Variants in CELF2 observed in about 807,000 individuals in gnomAD.
CELF2 encodes the protein CUG triplet repeat RNA-binding protein 2.
A neutral mutation model predicts 62.6 loss-of-function variants in CELF2; 8 were observed. The observed-to-expected ratio is 0.13, with a 90% CI of 0.07 to 0.23. CELF2 has a LOEUF of 0.23. CELF2 is among the 10% of genes least tolerant of loss of function. CELF2 has a pLI of 1.00. For missense variants in CELF2, 333 were observed against 671.0 expected (o/e 0.50, Z 5.56); for synonymous variants, 258 against 250.0 (o/e 1.03, Z -0.30).
the CELF2 span, among the ~76,000 whole-genome samples, chr10:10,728,473 A>AAAAG: frequency 6.7e-6 from 1 of 148,440 alleles, no homozygotes; most frequent in African/African-American, 2.5e-5. Flanking sequence ...AAAAAAAAAA[A>AAAAG]AGAGAGAGAA....
chr10:10,985,798 G>A (rs2052677424), intron 2 of CELF2, among the ~76,000 whole-genome samples: 1 of 152,166 alleles, frequency 6.6e-6, no homozygotes, highest in African/African-American at 2.4e-5. Flanking sequence ...ATGAATGTGT[G>A]CTCACAAAGC....
chr10:10,823,592 A>T (rs1299906576), intron 1 of CELF2, among the ~76,000 whole-genome samples: 3 of 149,626 alleles, frequency 2.0e-5, no homozygotes, highest in Non-Finnish European at 4.5e-5. Context: ...ACAAAAAAAA[A>T]TAGAATGGCT....
intron 2 of CELF2, among the ~76,000 whole-genome samples, chr10:11,172,577 G>A (rs768874656): frequency 2.6e-5 from 4 of 152,154 alleles, no homozygotes; most frequent in Non-Finnish European, 4.4e-5. Flanking sequence ...GACTGTGCCC[G>A]TCGGTCACAG....
chr10:11,142,865 C>T (rs1052030689), intron 1 of CELF2, among the ~76,000 whole-genome samples: 1 of 152,126 alleles, frequency 6.6e-6, no homozygotes. Flanking sequence ...GGTCTGTCCT[C>T]CCTCCACTGG....
intron 2 of CELF2, among the ~76,000 whole-genome samples, chr10:11,183,466 AG>A (rs1258184125): frequency 6.6e-6 from 1 of 152,224 alleles, no homozygotes; most frequent in Non-Finnish European, 1.5e-5. Flanking sequence ...ACACCTTAAG[AG>A]TGGAATGGCT....
the CELF2 span, among the ~76,000 whole-genome samples, chr10:10,770,212 T>C: frequency 6.6e-6 from 1 of 152,094 alleles, no homozygotes; most frequent in African/African-American, 2.4e-5. Context: ...TAATTAGTTT[T>C]GGATATGTTA....
intron 2 of CELF2, among the ~76,000 whole-genome samples, chr10:11,183,608 G>A (rs1027076867): frequency 1.3e-5 from 2 of 152,216 alleles, no homozygotes; most frequent in African/African-American, 2.4e-5. Flanking sequence ...AACACTTGGT[G>A]TAATCACTAT....
intron 1 of CELF2, among the ~76,000 whole-genome samples, chr10:11,078,113 C>G (rs978596019): frequency 3.3e-5 from 5 of 152,068 alleles, no homozygotes; most frequent in Admixed American, 6.6e-5. Flanking sequence ...AATGCTTTCC[C>G]TTGGAGGACA....
At chr10:10,596,377 C>A in the CELF2 span, among the ~76,000 whole-genome samples, 1 of 152,190 alleles carries the variant, frequency 6.6e-6, no homozygotes, top group Non-Finnish European at 1.5e-5. Context: ...GGTTGCAGAG[C>A]CATCCACCCA....
At chr10:10,620,009 C>A in the CELF2 span, among the ~76,000 whole-genome samples, 2 of 151,590 alleles carry the variant, frequency 1.3e-5, no homozygotes, top group African/African-American at 4.8e-5. Context: ...CCAAGTATCA[C>A]GAAAAATAAG....
intron 1 of CELF2, among the ~76,000 whole-genome samples, chr10:10,837,180 C>T (rs1044542357): frequency 1.3e-5 from 2 of 152,138 alleles, no homozygotes; most frequent in African/African-American, 4.8e-5. Context: ...GGGAGGGACC[C>T]AGTGGGAGAT....
chr10:11,236,672 C>G (rs575547816), intron 3 of CELF2, among the ~76,000 whole-genome samples: 1 of 152,162 alleles, frequency 6.6e-6, no homozygotes, highest in Admixed American at 6.5e-5. Flanking sequence ...CCATATGAAA[C>G]GGTCACTATT....
At position 11,327,402 on chromosome 10, in the gene CELF2, C is replaced by T. The variant is rs560392035; in HGVS notation, c.1438+1423C>T. On this transcript the variant is annotated intron_variant, in intron 12 of 12. Coordinates refer to ENST00000633077, the MANE Select transcript of CELF2 (RefSeq NM_001326342.2). ...CCTACAGCCTCCTTAACCATGTGCT[C>T]ATACTGATGTAAACCATAGCTGTTA... is the stretch of plus-strand genomic sequence containing the variant. 2.0e-5 allele frequency among the ~76,000 whole-genome samples: 3 copies of T among 152,322 alleles called. No individual in the cohort carries two copies. The South Asian group carries it at 6.2e-4, about 32-fold the overall frequency.
chr10:10,797,824 TC>T (rs201282457), upstream of CELF2, among the ~76,000 whole-genome samples: 675 of 152,130 alleles, frequency 4.4e-3, 3 homozygotes, highest in South Asian at 0.013. Flanking sequence ...ATCAGTACAG[TC>T]CCGAAGAACC....
rs79630669 is a variant in CELF2 at position 11,303,093 on chromosome 10, T to A, written c.977-11046T>A. ...TCAGAGGTGGCCCAGCGGAAACTTC[T>A]TCCCTAGCCGGCTCTCCTCTGTATC... On this transcript the variant is annotated intron_variant, in intron 9 of 12. Transcript: ENST00000633077. 4.2e-3 allele frequency among the ~76,000 whole-genome samples: 642 copies of A among 152,210 alleles called. 12 individuals are homozygous for A. Among genetic ancestry groups the A allele is most frequent in the East Asian group, 0.036 (187 of 5,188 alleles).
intron 3 of CELF2, among the ~76,000 whole-genome samples, chr10:11,241,756 C>T (rs555387147): frequency 2.0e-5 from 3 of 152,236 alleles, no homozygotes; most frequent in African/African-American, 7.2e-5. Flanking sequence ...ATGAGGGAGA[C>T]AGGCAAACCT....
At chr10:10,974,674 A>G (rs530611283) in intron 2 of CELF2, among the ~76,000 whole-genome samples, 4 of 152,320 alleles carry the variant, frequency 2.6e-5, no homozygotes, top group South Asian at 4.1e-4. Flanking sequence ...GCAATTTACT[A>G]TCAGTGAAAG....
At chr10:10,637,123 A>G in the CELF2 span, among the ~76,000 whole-genome samples, 1 of 152,154 alleles carries the variant, frequency 6.6e-6, no homozygotes, top group African/African-American at 2.4e-5. Flanking sequence ...CTTCCAACCC[A>G]GCTAGACTTG....
chr10:10,480,395 A>G, the CELF2 span, among the ~76,000 whole-genome samples: 36,105 of 152,006 alleles, frequency 0.24, 5,070 homozygotes, highest in African/African-American at 0.4. Flanking sequence ...TTTTCTCTGC[A>G]CGCAGCTACC....
Sources: allele counts gnomAD v4.1 joint callset (sites outside exome capture counted in the v4.1 genomes callset), GRCh38; gene constraint gnomAD v4.1.1; transcripts MANE v1.5; gene names NCBI Gene and HGNC (gene_info 2026-07-23, HGNC 2026-07-21).